The following SLC12A6 variants were observed in gnomAD, a reference collection of about 807,000 sequenced individuals.
The protein encoded by SLC12A6 is K-Cl cotransporter 3.
Under a neutral mutation model 135.3 loss-of-function variants are expected in SLC12A6, and 66 were observed. That is an observed-to-expected ratio of 0.49 (90% CI 0.40 to 0.60). The LOEUF (loss-of-function observed/expected upper bound fraction) is 0.60, where lower values mean the gene tolerates loss of function less well. SLC12A6 is among the 20% of genes least tolerant of loss of function. The pLI, the probability that SLC12A6 is intolerant of heterozygous loss-of-function variation, is 0.00. For synonymous variants in SLC12A6, 513 were observed against 508.8 expected, an observed-to-expected ratio of 1.01 and a Z score of -0.11; for missense variants, 1,058 against 1,452.3, an observed-to-expected ratio of 0.73 and a Z score of 4.41.
chr15:34,313,282 C>T (rs1279601776), intron 2 of SLC12A6, among the ~76,000 whole-genome samples: 2 of 152,030 alleles, frequency 1.3e-5, no homozygotes, highest in Non-Finnish European at 2.9e-5. Context: ...CCAGTGAACA[C>T]ATAAATGTTA....
At chr15:34,243,286 C>T (rs1025214951) in intron 16 of SLC12A6, among the ~76,000 whole-genome samples, 1 of 152,160 alleles carries the variant, frequency 6.6e-6, no homozygotes, top group African/African-American at 2.4e-5. Context: ...GTAAACGTTA[C>T]ATCACTGCCC....
chr15:34,270,842 AAAAG>A (rs1893876439), intron 3 of SLC12A6, among the ~76,000 whole-genome samples: 3 of 151,688 alleles, frequency 2.0e-5, no homozygotes, highest in African/African-American at 7.3e-5. Context: ...AAAAAAAAAA[AAAAG>A]AGAGAGAGAA....
chr15:34,252,165 C>T lies in SLC12A6; in HGVS notation c.1333+5G>A, dbSNP rs1892436538. 1.3e-6 allele frequency: 2 copies of T among 1,486,922 alleles called. No individual in the cohort carries two copies. Among genetic ancestry groups the T allele is most frequent in the Non-Finnish European group, 1.9e-6 (2 of 1,064,162 alleles). 92.1% of individuals were successfully genotyped at this position (1,486,922 alleles called of 1,614,324 possible). On this transcript the variant is annotated splice_donor_5th_base_variant and intron_variant, in intron 10 of 25. Transcript: ENST00000354181. Reference sequence around the variant, plus strand: ...AAAAACTTGTCCAATAACTCCCTAACTTACCTGTAATTATACCACTAGCCA... The same window carrying T: ...AAAAACTTGTCCAATAACTCCCTAATTTACCTGTAATTATACCACTAGCCA...
chr15:34,235,951 CAA>C, intron 24 of SLC12A6, 62 bp downstream of exon 24: 1 of 1,279,072 alleles, frequency 7.8e-7, no homozygotes, highest in Non-Finnish European at 1.1e-6. Flanking sequence ...TGTGTCCAGG[CAA>C]AGTCACATTT....
intron 2 of SLC12A6, among the ~76,000 whole-genome samples, chr15:34,330,074 T>C (rs936305249): frequency 2.0e-5 from 3 of 152,176 alleles, no homozygotes; most frequent in Admixed American, 6.5e-5. Flanking sequence ...ATTAATATCA[T>C]GTACATGTTC....
intron 2 of SLC12A6, among the ~76,000 whole-genome samples, chr15:34,311,769 T>G (rs1450929613): frequency 2.6e-5 from 4 of 152,172 alleles, no homozygotes; most frequent in Admixed American, 6.5e-5. Context: ...TCATCTCTTA[T>G]CTCTTTACCA....
At chr15:34,281,760 C>G (rs990228022) in intron 2 of SLC12A6, among the ~76,000 whole-genome samples, 2 of 151,984 alleles carry the variant, frequency 1.3e-5, no homozygotes, top group African/African-American at 2.4e-5. Context: ...TGCACTCCAG[C>G]CTGGTGACAG....
chr15:34,309,964 A>G (rs1190982631), intron 2 of SLC12A6, among the ~76,000 whole-genome samples: 2 of 151,680 alleles, frequency 1.3e-5, no homozygotes, highest in Non-Finnish European at 2.9e-5. Flanking sequence ...TTAGTTGTCT[A>G]TTTCAATCTA....
chr15:34,327,282 C>A (rs1362513944), intron 2 of SLC12A6, among the ~76,000 whole-genome samples: 1 of 151,972 alleles, frequency 6.6e-6, no homozygotes, highest in African/African-American at 2.4e-5. Context: ...TGCTGCTGAA[C>A]CAGAAAAAAA....
intron 2 of SLC12A6, among the ~76,000 whole-genome samples, chr15:34,280,553 A>G (rs768682597): frequency 6.6e-6 from 1 of 152,234 alleles, no homozygotes; most frequent in African/African-American, 2.4e-5. Flanking sequence ...TAAGATAGTT[A>G]AAGATGGAAC....
At chr15:34,308,617 A>G (rs1887907970) in intron 2 of SLC12A6, among the ~76,000 whole-genome samples, 1 of 135,366 alleles carries the variant, frequency 7.4e-6, no homozygotes, top group African/African-American at 3.0e-5. Flanking sequence ...GAAGCCAGAC[A>G]CTGTCCACCT....
At chr15:34,295,493 G>A (rs1313295181) in intron 2 of SLC12A6, among the ~76,000 whole-genome samples, 1 of 152,130 alleles carries the variant, frequency 6.6e-6, no homozygotes, top group Non-Finnish European at 1.5e-5. Flanking sequence ...CGACAAATTA[G>A]AATTTAGGTA....
intron 17 of SLC12A6, among the ~76,000 whole-genome samples, chr15:34,241,742 TGTAA>T (rs1891659277): frequency 6.6e-6 from 1 of 152,250 alleles, no homozygotes; most frequent in Admixed American, 6.5e-5. Context: ...TTTTGAAAGC[TGTAA>T]GTCTTAGTAG....
At chr15:34,240,639 A>G (rs768619746) in intron 19 of SLC12A6, 22 bp downstream of exon 19, 2 of 1,606,162 alleles carry the variant, frequency 1.2e-6, no homozygotes, top group Non-Finnish European at 1.7e-6. Flanking sequence ...GAGTTCCAAT[A>G]CCTCAAAAGC....
chr15:34,238,937 T>C (rs1270667829), intron 20 of SLC12A6, 28 bp downstream of exon 20: 4 of 1,584,386 alleles, frequency 2.5e-6, no homozygotes, highest in East Asian at 2.2e-5. Context: ...ACTTGGGCCT[T>C]TAGGTTTGTA....
chr15:34,237,672 C>G, intron 21 of SLC12A6, 122 bp from the exon 22 acceptor site: 2 of 766,112 alleles, frequency 2.6e-6, no homozygotes, highest in Non-Finnish European at 4.5e-6. Flanking sequence ...GCTATTTGTT[C>G]CTAGCTTCCT....
chr15:34,330,957 A>C (rs347835), intron 2 of SLC12A6, among the ~76,000 whole-genome samples: 1 of 151,754 alleles, frequency 6.6e-6, no homozygotes, highest in South Asian at 2.1e-4. Flanking sequence ...CAGAAGAATC[A>C]CTTGAACCCA....
Position 34,255,261 on chromosome 15 carries a change from C to T in SLC12A6, c.876+1G>A, listed in dbSNP as rs1299027458. On this transcript the variant is annotated splice_donor_variant, in intron 8 of 25. Transcript: ENST00000354181. LOFTEE classifies it high-confidence loss of function. ...TAGACCACAATGAAGTCATTACTTA[C>T]CAGAAAGATTTCAATGGCACCAAGG... 1 of 1,602,244 alleles carries T rather than the reference C, an allele frequency of 6.2e-7. No individual in the cohort carries two copies. The highest frequency in any genetic ancestry group is 8.6e-7 in the Non-Finnish European group (1 of 1,169,296).
intron 2 of SLC12A6, among the ~76,000 whole-genome samples, chr15:34,287,927 T>C (rs1413727495): frequency 2.0e-5 from 3 of 152,210 alleles, no homozygotes; most frequent in Non-Finnish European, 4.4e-5. Context: ...GTTCTGTAGG[T>C]TGCCTGTTCA....
Sources: allele counts gnomAD v4.1 joint callset (sites outside exome capture counted in the v4.1 genomes callset), GRCh38; gene constraint gnomAD v4.1.1; transcripts MANE v1.5; gene names NCBI Gene and HGNC (gene_info 2026-07-23, HGNC 2026-07-21).